The following ZFHX3 variants were observed in gnomAD, a reference collection of about 807,000 sequenced individuals.
ZFHX3 encodes the protein zinc finger homeobox 3, also known as zinc finger homeobox protein 3.
In ZFHX3, 42 loss-of-function variants were observed where a neutral mutation model predicts 279.1. The observed-to-expected ratio is 0.15, with a 90% CI of 0.12 to 0.19. ZFHX3 has a LOEUF of 0.19. ZFHX3 is among the 10% of genes least tolerant of loss of function. ZFHX3 has a pLI of 1.00. For missense variants in ZFHX3, 4,981 were observed against 4,754.0 expected (o/e 1.05, Z -1.40); for synonymous variants, 2,293 against 1,957.8 (o/e 1.17, Z -4.52).
chr16:73,462,486 TG>T (rs1339117980), intron 2 of ZFHX3, among the ~76,000 whole-genome samples: 1 of 152,194 alleles, frequency 6.6e-6, no homozygotes. Context: ...ATCCTTGCCT[TG>T]TTCCTGGTTA....
In ZFHX3 at chr16:73,360,314, C is replaced by T. The variant is rs190085281; in HGVS notation, c.-1290-41978G>A. 2.0e-4 allele frequency among the ~76,000 whole-genome samples: 30 copies of T among 152,160 alleles called. 1 individual carries two copies. Among genetic ancestry groups the T allele is most frequent in the Non-Finnish European group, 3.1e-4 (21 of 67,980 alleles). On this transcript the variant is annotated intron_variant, in intron 3 of 17. Coordinates refer to the ZFHX3 transcript ENST00000641206. ...TGCCAAAGCTTACACAGCATAAAGC[C>T]GAGATTTGTTTTGTTTCGTTTTGTT...
At position 72,913,717 on chromosome 16, in the gene ZFHX3, C is replaced by T. The variant is rs140188954; in HGVS notation, c.3217-23755G>A. ...GTGAAGCTCCACCTTCTGGTTATTA[C>T]GCTGTTAATAAAATAAAAACATCTC... On this transcript the variant is annotated intron_variant, in intron 3 of 9. Transcript: ENST00000268489. Among the ~76,000 whole-genome samples, 1,057 of 152,296 alleles carry T rather than the reference C, an allele frequency of 6.9e-3. 9 individuals carry two copies. The highest frequency in any genetic ancestry group is 0.024 in the Middle Eastern group (7 of 294).
At chr16:72,909,561 TA>T (rs754249619) in intron 3 of ZFHX3, among the ~76,000 whole-genome samples, 1 of 152,142 alleles carries the variant, frequency 6.6e-6, no homozygotes, top group Non-Finnish European at 1.5e-5. Context: ...ATAAGCAAAA[TA>T]AGTTTCTTAC....
chr16:72,934,443 T>G (rs113854089), intron 3 of ZFHX3, among the ~76,000 whole-genome samples: 7 of 152,046 alleles, frequency 4.6e-5, no homozygotes, highest in African/African-American at 1.7e-4. Flanking sequence ...TAAAACAGAG[T>G]AGTATCCACA....
intron 2 of ZFHX3, among the ~76,000 whole-genome samples, chr16:73,490,348 T>C (rs2019038909): frequency 6.6e-6 from 1 of 152,234 alleles, no homozygotes; most frequent in Non-Finnish European, 1.5e-5. Context: ...TTTTGCCCAA[T>C]TCCCATTGAA....
intron 5 of ZFHX3, among the ~76,000 whole-genome samples, chr16:73,230,091 A>G (rs565304924): frequency 4.6e-5 from 7 of 152,236 alleles, no homozygotes; most frequent in Non-Finnish European, 1.0e-4. Context: ...ATATTCATAG[A>G]TCAATACATG....
At chr16:72,859,908 G>C (rs1367313847) in intron 4 of ZFHX3, among the ~76,000 whole-genome samples, 1 of 152,156 alleles carries the variant, frequency 6.6e-6, no homozygotes, top group East Asian at 1.9e-4. Context: ...AAGCCCCCAG[G>C]CCGTAAGACA....
At chr16:73,521,494 G>A (rs1049145049) in intron 2 of ZFHX3, among the ~76,000 whole-genome samples, 11 of 152,142 alleles carry the variant, frequency 7.2e-5, no homozygotes, top group East Asian at 1.9e-4. Context: ...CAGACAGGGC[G>A]GGCAGGGTAG....
chr16:73,011,799 G>T (rs1245042101), intron 1 of ZFHX3, among the ~76,000 whole-genome samples: 1 of 151,146 alleles, frequency 6.6e-6, no homozygotes, highest in African/African-American at 2.4e-5. Flanking sequence ...AAAATACTGG[G>T]ATAATAAATG....
chr16:72,798,305 G>A lies in ZFHX3; in HGVS notation c.4377C>T (p.Asp1459=). ...GCAGGCCACCATAAAGCTGTTGGAT[G>A]TCAGCCTCACTCAGCTCCAGGTGGC... The part of the protein sequence containing the change: ...ETSHLELSEA[D]IQQLYGGLLA... The change falls in exon 9 of 10, where the codon GAC becomes GAT. Residue 1459 remains aspartate, a synonymous_variant. Coordinates refer to ENST00000268489, the MANE Select transcript of ZFHX3 (RefSeq NM_006885.4). The A allele has an allele frequency of 8.7e-6, 14 of 1,614,246 alleles. No homozygotes were observed. Among genetic ancestry groups the A allele is most frequent in the Non-Finnish European group, 1.2e-5 (14 of 1,180,046 alleles).
At chr16:72,907,775 C>G (rs1196442871) in intron 3 of ZFHX3, among the ~76,000 whole-genome samples, 2 of 151,546 alleles carry the variant, frequency 1.3e-5, no homozygotes, top group Admixed American at 1.3e-4. Flanking sequence ...CCTCTGAGTC[C>G]CAGGCTCAAG....
chr16:73,526,258 C>T (rs531876688), intron 2 of ZFHX3, among the ~76,000 whole-genome samples: 62 of 152,334 alleles, frequency 4.1e-4, no homozygotes, highest in African/African-American at 1.5e-3. Flanking sequence ...AAGGTCATTA[C>T]CCAAGGCTAG....
chr16:73,763,264 T>C (rs1352905625), intron 1 of ZFHX3, among the ~76,000 whole-genome samples: 8 of 152,328 alleles, frequency 5.3e-5, no homozygotes, highest in Admixed American at 3.3e-4. Context: ...CATCAAGTCT[T>C]ACCAAATCTT....
At chr16:72,900,527 C>G (rs2039009202) in intron 3 of ZFHX3, among the ~76,000 whole-genome samples, 1 of 152,176 alleles carries the variant, frequency 6.6e-6, no homozygotes, top group South Asian at 2.1e-4. Context: ...AAGAACTACC[C>G]AAATATTTGA....
At chr16:73,230,795 A>G (rs1200489388) in intron 5 of ZFHX3, among the ~76,000 whole-genome samples, 1 of 152,204 alleles carries the variant, frequency 6.6e-6, no homozygotes, top group Non-Finnish European at 1.5e-5. Flanking sequence ...TTGGATTGCT[A>G]GAGCTAATCA....
intron 1 of ZFHX3, among the ~76,000 whole-genome samples, chr16:73,804,049 C>T (rs975302331): frequency 3.3e-5 from 5 of 151,964 alleles, no homozygotes; most frequent in South Asian, 2.1e-4. Context: ...CCTAGCAACT[C>T]GGGAGGATGA....
intron 1 of ZFHX3, among the ~76,000 whole-genome samples, chr16:73,801,774 G>A (rs1443017262): frequency 6.6e-6 from 1 of 152,162 alleles, no homozygotes; most frequent in Non-Finnish European, 1.5e-5. Flanking sequence ...ATGCGAGTGT[G>A]GTCATTGCTG....
chr16:73,817,078 G>A (rs924715605), intron 1 of ZFHX3, among the ~76,000 whole-genome samples: 6 of 152,166 alleles, frequency 3.9e-5, no homozygotes, highest in East Asian at 1.9e-4. Context: ...CTGGGATGGC[G>A]ATGAGGAAGG....
At chr16:72,927,662 C>G (rs949163878) in intron 3 of ZFHX3, among the ~76,000 whole-genome samples, 3 of 151,922 alleles carry the variant, frequency 2.0e-5, no homozygotes, top group Non-Finnish European at 4.4e-5. Flanking sequence ...GCCCTCCGCA[C>G]AGCCCCCCGC....
Sources: gnomAD v4.1 joint callset for allele counts (sites outside exome capture counted in the v4.1 genomes callset) on GRCh38, gnomAD v4.1.1 for gene constraint, MANE v1.5 for transcripts, NCBI Gene and HGNC (gene_info 2026-07-23, HGNC 2026-07-21) for gene names.